Variants in GPM6A observed in about 807,000 individuals in gnomAD.
The protein encoded by GPM6A is neuronal membrane glycoprotein M6-a.
A neutral mutation model predicts 32.1 loss-of-function variants in GPM6A; 7 were observed. That is an observed-to-expected ratio of 0.22 (90% CI 0.12 to 0.41). GPM6A has a LOEUF of 0.41. GPM6A is among the 10% of genes least tolerant of loss of function. GPM6A has a pLI of 1.00. For synonymous variants in GPM6A, 130 were observed against 123.4 expected (o/e 1.05, Z -0.35); for missense variants, 235 against 347.2 (o/e 0.68, Z 2.57).
intron 1 of GPM6A, among the ~76,000 whole-genome samples, chr4:175,852,175 A>T (rs1360944258): frequency 6.6e-6 from 1 of 152,198 alleles, no homozygotes; most frequent in African/African-American, 2.4e-5. Context: ...GTTTGGCATT[A>T]TTCCTAGGAT....
At chr4:175,819,385 T>C (rs1735206770) in intron 1 of GPM6A, among the ~76,000 whole-genome samples, 2 of 152,236 alleles carry the variant, frequency 1.3e-5, no homozygotes, top group African/African-American at 4.8e-5. Flanking sequence ...AGGACAGATG[T>C]AGTTTCCTGC....
At chr4:175,823,852 A>C (rs748731944) in intron 1 of GPM6A, among the ~76,000 whole-genome samples, 1 of 152,232 alleles carries the variant, frequency 6.6e-6, no homozygotes, top group African/African-American at 2.4e-5. Flanking sequence ...CATTCTTTAA[A>C]GTGCCTTGCC....
At chr4:175,846,885 G>A (rs889042045) in intron 1 of GPM6A, among the ~76,000 whole-genome samples, 11 of 152,072 alleles carry the variant, frequency 7.2e-5, no homozygotes, top group African/African-American at 2.4e-4. Flanking sequence ...TAGTCACAAT[G>A]AAATAATGAA....
intron 1 of GPM6A, among the ~76,000 whole-genome samples, chr4:175,943,784 G>A (rs1185078867): frequency 6.6e-6 from 1 of 152,172 alleles, no homozygotes. Context: ...CGGTTTGCCA[G>A]TATTTTATTG....
intron 5 of GPM6A, 35 bp from the exon 6 acceptor site, chr4:175,640,229 A>G (rs1741061310): frequency 5.2e-6 from 8 of 1,540,728 alleles, no homozygotes; most frequent in Non-Finnish European, 7.2e-6. Context: ...AAAAGGTGTC[A>G]GAGTTATAGG....
intron 1 of GPM6A, chr4:175,806,782 G>A (rs1236278858): frequency 6.6e-6 from 1 of 152,204 alleles, no homozygotes; most frequent in Non-Finnish European, 1.5e-5. Context: ...TAAGCACAAT[G>A]CTAGTAAAAG....
chr4:175,650,060 C>G (rs1227018013), intron 4 of GPM6A, among the ~76,000 whole-genome samples: 1 of 152,070 alleles, frequency 6.6e-6, no homozygotes, highest in Non-Finnish European at 1.5e-5. Flanking sequence ...GGCTCCTTTT[C>G]CGATATTTAC....
intron 1 of GPM6A, among the ~76,000 whole-genome samples, chr4:175,824,365 G>A (rs1017284556): frequency 2.0e-5 from 3 of 152,126 alleles, no homozygotes; most frequent in Non-Finnish European, 1.5e-5. Context: ...TCAGCGATGT[G>A]CTCAAGTAAG....
intron 3 of GPM6A, among the ~76,000 whole-genome samples, chr4:175,659,546 A>T (rs1742281334): frequency 6.6e-6 from 1 of 152,214 alleles, no homozygotes; most frequent in Admixed American, 6.5e-5. Flanking sequence ...CTGGATTATT[A>T]TGTTCCATAA....
intron 3 of GPM6A, among the ~76,000 whole-genome samples, chr4:175,671,994 A>AAAGAAAG (rs1553971698): frequency 6.8e-6 from 1 of 147,252 alleles, no homozygotes; most frequent in Admixed American, 6.8e-5. Context: ...GAAAAAAAAA[A>AAAGAAAG]AAAGAAAGAA....
chr4:175,983,926 C>A (rs987934395), intron 1 of GPM6A, among the ~76,000 whole-genome samples: 3 of 152,130 alleles, frequency 2.0e-5, no homozygotes, highest in South Asian at 4.1e-4. Context: ...GCAAGCTTTA[C>A]AACTATTAAC....
At chr4:175,744,746 C>G (rs771565567) in intron 1 of GPM6A, among the ~76,000 whole-genome samples, 1 of 152,116 alleles carries the variant, frequency 6.6e-6, no homozygotes, top group Non-Finnish European at 1.5e-5. Context: ...AAACCTTCAA[C>G]GTTAGCTGTC....
chr4:175,917,879 T>A (rs1433299057), intron 1 of GPM6A, among the ~76,000 whole-genome samples: 1 of 152,110 alleles, frequency 6.6e-6, no homozygotes, highest in Non-Finnish European at 1.5e-5. Flanking sequence ...TTGTAAGAGA[T>A]TATATACTAT....
At chr4:175,636,612 A>G (rs1740631610) in intron 6 of GPM6A, among the ~76,000 whole-genome samples, 1 of 150,420 alleles carries the variant, frequency 6.6e-6, no homozygotes, top group African/African-American at 2.4e-5. Flanking sequence ...TCTGGCCAAC[A>G]TAGTGAAACC....
intron 1 of GPM6A, among the ~76,000 whole-genome samples, chr4:175,843,593 C>T (rs940744123): frequency 3.3e-5 from 5 of 152,178 alleles, no homozygotes; most frequent in African/African-American, 1.2e-4. Flanking sequence ...AGGCGAGCTT[C>T]ATAGGCAGGC....
intron 2 of GPM6A, among the ~76,000 whole-genome samples, chr4:175,686,001 C>T (rs531648234): frequency 1.3e-4 from 20 of 152,124 alleles, no homozygotes; most frequent in African/African-American, 4.6e-4. Flanking sequence ...CTTTTTGTCT[C>T]GTCCACATAT....
rs574817554 is a variant in GPM6A at position 175,723,107 on chromosome 4, T to C, written c.38-21340A>G. On this transcript the variant is annotated intron_variant, in intron 1 of 6. Transcript: ENST00000393658. ...TTTGCTCTCATAATGAGATTCTAAA[T>C]ATGGCCTACACTTACTAATTTTTAG... Among the ~76,000 whole-genome samples, 11 of 152,312 alleles carry C rather than the reference T, an allele frequency of 7.2e-5. 1 individual carries two copies. Among genetic ancestry groups the C allele is most frequent in the African/African-American group, 2.6e-4 (11 of 41,582 alleles).
At chr4:175,997,984 T>C (rs552036122) in intron 1 of GPM6A, among the ~76,000 whole-genome samples, 102 of 152,298 alleles carry the variant, frequency 6.7e-4, no homozygotes, top group African/African-American at 2.4e-3. Flanking sequence ...GTACTCCTTA[T>C]ACTCACACTT....
intron 1 of GPM6A, among the ~76,000 whole-genome samples, chr4:175,926,031 T>C (rs1189378210): frequency 6.6e-6 from 1 of 152,078 alleles, no homozygotes; most frequent in Non-Finnish European, 1.5e-5. Flanking sequence ...TTTATATTTG[T>C]AGAAGAGATG....
Sources: gnomAD v4.1 joint callset for allele counts (sites outside exome capture counted in the v4.1 genomes callset) on GRCh38, gnomAD v4.1.1 for gene constraint, MANE v1.5 for transcripts, NCBI Gene and HGNC (gene_info 2026-07-23, HGNC 2026-07-21) for gene names.